Variants in IGF1 observed in about 807,000 individuals in gnomAD.
IGF1 encodes insulin-like growth factor 1.
A neutral mutation model predicts 13.8 loss-of-function variants in IGF1; 4 were observed. That is an observed-to-expected ratio of 0.29 (90% CI 0.14 to 0.66). IGF1 has a LOEUF of 0.66. Among genes scored for constraint, IGF1 ranks in the 30% least tolerant of loss-of-function variants. The pLI is 0.78. For synonymous variants in IGF1, 76 were observed against 72.6 expected (o/e 1.05, Z -0.23); for missense variants, 124 against 188.5 (o/e 0.66, Z 2.00).
At chr12:102,476,087 C>T (rs1415604144) in intron 1 of IGF1, among the ~76,000 whole-genome samples, 1 of 152,126 alleles carries the variant, frequency 6.6e-6, no homozygotes, top group East Asian at 1.9e-4. Flanking sequence ...GACAAAATAT[C>T]TAGAAACGTT....
intron 2 of IGF1, among the ~76,000 whole-genome samples, chr12:102,452,886 C>T (rs553879339): frequency 1.7e-4 from 26 of 152,250 alleles, no homozygotes; most frequent in East Asian, 9.6e-4. Flanking sequence ...GAAAACAGCA[C>T]CTGCTTTGCT....
chr12:102,466,938 A>G (rs1880378123), intron 2 of IGF1, among the ~76,000 whole-genome samples: 2 of 152,076 alleles, frequency 1.3e-5, no homozygotes, highest in Admixed American at 1.3e-4. Context: ...AAAAACCCAC[A>G]TCACTTGGTC....
intron 3 of IGF1, chr12:102,418,098 G>A: frequency 7.6e-7 from 1 of 1,319,826 alleles, no homozygotes; most frequent in South Asian, 1.4e-5. Context: ...ATATGATGCA[G>A]GAGACAGCAC....
chr12:102,426,126 T>C (rs1476042634), intron 2 of IGF1, among the ~76,000 whole-genome samples: 1 of 152,204 alleles, frequency 6.6e-6, no homozygotes, highest in Admixed American at 6.5e-5. Context: ...GCCTGTGACA[T>C]CTGTCATACC....
intron 2 of IGF1, among the ~76,000 whole-genome samples, chr12:102,452,815 G>C (rs1879080222): frequency 6.6e-6 from 1 of 152,208 alleles, no homozygotes; most frequent in African/African-American, 2.4e-5. Flanking sequence ...ATCTGCCAGA[G>C]AAACTTGGAC....
chr12:102,410,637 T>C (rs887823096), intron 3 of IGF1, among the ~76,000 whole-genome samples: 1 of 152,356 alleles, frequency 6.6e-6, no homozygotes, highest in Admixed American at 6.5e-5. Context: ...TGCAGTGTTC[T>C]TGGGAGATGT....
At position 102,402,345 on chromosome 12, in the gene IGF1, A is replaced by G; in HGVS notation, c.*162T>C. The G allele has an allele frequency of 1.4e-6, 1 of 722,822 alleles. No homozygotes were observed. The allele number at this position is 722,822 out of a possible 1,614,324, so 44.8% of individuals were successfully genotyped here. ...AAGGTGCAAATCACTCCTAAAGACAATGTTGGAATGTTTACTTGTGTATTT... is the reference window on the plus strand; with the variant it reads ...AAGGTGCAAATCACTCCTAAAGACAGTGTTGGAATGTTTACTTGTGTATTT... On this transcript the variant is annotated 3_prime_UTR_variant, in exon 4 of 4. Coordinates refer to ENST00000337514, the MANE Select transcript of IGF1 (RefSeq NM_000618.5).
chr12:102,467,693 C>A (rs1273831244), intron 2 of IGF1, among the ~76,000 whole-genome samples: 3 of 152,188 alleles, frequency 2.0e-5, no homozygotes, highest in Non-Finnish European at 4.4e-5. Context: ...AAGGAACCAA[C>A]AAGATCTATG....
At chr12:102,432,130 C>CTACAG (rs1876791420) in intron 2 of IGF1, among the ~76,000 whole-genome samples, 1 of 152,160 alleles carries the variant, frequency 6.6e-6, no homozygotes, top group South Asian at 2.1e-4. Context: ...TTTGGCATAG[C>CTACAG]TACAGCCATA....
intron 2 of IGF1, among the ~76,000 whole-genome samples, chr12:102,469,239 G>A (rs1285164939): frequency 1.3e-5 from 2 of 152,068 alleles, no homozygotes; most frequent in Admixed American, 6.5e-5. Flanking sequence ...CCATTACTAC[G>A]ACTCTAATAG....
At chr12:102,443,349 A>T (rs771497138) in intron 2 of IGF1, among the ~76,000 whole-genome samples, 1 of 152,050 alleles carries the variant, frequency 6.6e-6, no homozygotes, top group Non-Finnish European at 1.5e-5. Context: ...CTATCTTCCT[A>T]TTGGCTAGAG....
intron 3 of IGF1, among the ~76,000 whole-genome samples, chr12:102,412,146 A>G (rs933745958): frequency 2.0e-5 from 3 of 152,110 alleles, no homozygotes; most frequent in Admixed American, 1.3e-4. Flanking sequence ...TAAAAAGAAA[A>G]CCAACTTATT....
Position 102,402,308 on chromosome 12 carries a change from G to T in IGF1, c.*199C>A. On this transcript the variant is annotated 3_prime_UTR_variant, in exon 4 of 4. Coordinates refer to ENST00000337514, the MANE Select transcript of IGF1 (RefSeq NM_000618.5). ...ATCAACAGCAATCTACCAACTCCAG[G>T]ACCATTTTTGCAAGGTGCAAATCAC... 2 of 599,468 alleles carry T rather than the reference G, an allele frequency of 3.3e-6. No homozygotes were observed. The highest frequency in any genetic ancestry group is 6.0e-6 in the Non-Finnish European group (2 of 332,202). The allele number at this position is 599,468 out of a possible 1,614,324, so 37.1% of individuals were successfully genotyped here.
At chr12:102,444,192 G>A (rs563154546) in intron 2 of IGF1, among the ~76,000 whole-genome samples, 1 of 152,056 alleles carries the variant, frequency 6.6e-6, no homozygotes, top group South Asian at 2.1e-4. Context: ...AAGAGGGAGG[G>A]GGCAGAGTGA....
intron 2 of IGF1, among the ~76,000 whole-genome samples, chr12:102,425,575 T>G (rs1360428557): frequency 6.6e-6 from 1 of 152,240 alleles, no homozygotes; most frequent in African/African-American, 2.4e-5. Flanking sequence ...TCTATGGGGC[T>G]GCCCCTTTGT....
At chr12:102,468,981 G>A (rs901719316) in intron 2 of IGF1, among the ~76,000 whole-genome samples, 8 of 152,178 alleles carry the variant, frequency 5.3e-5, no homozygotes, top group African/African-American at 1.7e-4. Context: ...CACGACACAA[G>A]ATGTCTGGTC....
chr12:102,426,246 CT>C (rs1279811189), intron 2 of IGF1, among the ~76,000 whole-genome samples: 4 of 152,286 alleles, frequency 2.6e-5, no homozygotes, highest in Non-Finnish European at 5.9e-5. Flanking sequence ...AGGACTCAAC[CT>C]TCTAAGATTC....
intron 2 of IGF1, among the ~76,000 whole-genome samples, chr12:102,433,540 A>T (rs1476044518): frequency 6.6e-6 from 1 of 152,198 alleles, no homozygotes; most frequent in African/African-American, 2.4e-5. Context: ...TGATTACTTT[A>T]TGTATCATAA....
intron 3 of IGF1, among the ~76,000 whole-genome samples, chr12:102,411,742 A>G (rs754521137): frequency 3.9e-5 from 6 of 152,196 alleles, no homozygotes; most frequent in Non-Finnish European, 5.9e-5. Flanking sequence ...ACCCATTGTC[A>G]TCTTTTTTCC....
Sources: gnomAD v4.1 joint callset for allele counts (sites outside exome capture counted in the v4.1 genomes callset) on GRCh38, gnomAD v4.1.1 for gene constraint, MANE v1.5 for transcripts, NCBI Gene and HGNC (gene_info 2026-07-23, HGNC 2026-07-21) for gene names.